Variants in PLEKHO1 observed in about 807,000 individuals in gnomAD.
PLEKHO1 encodes the protein pleckstrin homology domain containing O1, also known as pleckstrin homology domain-containing family O member 1.
Under a neutral mutation model 41.4 loss-of-function variants are expected in PLEKHO1, and 22 were observed. That is an observed-to-expected ratio of 0.53 (90% CI 0.38 to 0.76). PLEKHO1 has a LOEUF of 0.76. Ranked by LOEUF, PLEKHO1 falls within the 30% of genes least tolerant of loss-of-function variation. The pLI, the probability that PLEKHO1 is intolerant of heterozygous loss-of-function variation, is 0.00. For missense variants in PLEKHO1, 488 were observed against 518.3 expected (o/e 0.94, Z 0.57); for synonymous variants, 225 against 210.8 (o/e 1.07, Z -0.58).
chr1:150,151,929 C>T (rs74124331), intron 2 of PLEKHO1, among the ~76,000 whole-genome samples: 3,291 of 152,240 alleles, frequency 0.022, 97 homozygotes, highest in African/African-American at 0.074. Context: ...TTCCCTGCCT[C>T]TGTGACTGTC....
Position 150,158,834 on chromosome 1 carries a change from T to C in PLEKHO1, c.541T>C (p.Ser181Pro). Reference protein sequence around the residue: ...HLMAVASTSTSDGMLTLDLIQ... With the variant: ...HLMAVASTSTPDGMLTLDLIQ... ...TCCTCCACAGGCTTCCACCTCTACC[T>C]CGGATGGGATGCTGACCTTGGACTT... The change falls in exon 6 of 6, where the codon TCG (serine) becomes CCG (proline). Residue 181 changes from serine (S) to proline (P), a missense_variant. Ser to Pro is a moderately conservative substitution (Grantham distance 74). Coordinates refer to ENST00000369124, the MANE Select transcript of PLEKHO1 (RefSeq NM_016274.6). 6.2e-7 allele frequency: 1 copy of C among 1,605,568 alleles called. No individual in the cohort carries two copies. The highest frequency in any genetic ancestry group is 1.3e-5 in the African/African-American group (1 of 74,770).
intron 2 of PLEKHO1, chr1:150,152,705 A>AAAAC (rs1659999756): frequency 1.3e-5 from 2 of 149,734 alleles, no homozygotes; most frequent in South Asian, 2.1e-4. Flanking sequence ...AAAAAAAAAA[A>AAAAC]AAAAAAACAA....
At position 150,158,761 on chromosome 1, in the gene PLEKHO1, C is replaced by T. The variant is rs1309026166; in HGVS notation, c.526-58C>T. 8 of 1,202,554 alleles carry T rather than the reference C, an allele frequency of 6.7e-6. No individual in the cohort carries two copies. In the East Asian group the frequency reaches 1.4e-4, roughly 21 times the overall value. 74.5% of individuals were successfully genotyped at this position (1,202,554 alleles called of 1,614,324 possible). ...CCACAGCTTGCATCTTTTAGGCAGT[C>T]ATTCCGAAAATCCCTCCTGATGACA... On this transcript the variant is annotated intron_variant, in intron 5 of 5. Coordinates refer to ENST00000369124, the MANE Select transcript of PLEKHO1 (RefSeq NM_016274.6).
Position 150,158,801 on chromosome 1 carries a change from TC to T in PLEKHO1, c.526-12del. The T allele has an allele frequency of 7.7e-6, 12 of 1,553,174 alleles. No individual in the cohort carries two copies. The highest frequency in any genetic ancestry group is 3.6e-5 in the Admixed American group (2 of 55,858). ...TCCTGATGACAGGTTCCCCACTCAT[TC>T]CCCCCTTCCTCCACAGGCTTCCACC... On this transcript the variant is annotated splice_polypyrimidine_tract_variant and intron_variant, in intron 5 of 5. Coordinates refer to ENST00000369124, the MANE Select transcript of PLEKHO1 (RefSeq NM_016274.6).
rs1660160365 is a variant in PLEKHO1 at position 150,156,191 on chromosome 1, A to G, written c.303A>G (p.Lys101=). The change falls in exon 3 of 6, where the codon AAA becomes AAG. Residue 101 remains lysine, a synonymous_variant. Transcript: ENST00000369124. ...NHSKFTLAHS[K]QPGNTAPNLI... Reference sequence around the variant, plus strand: ...GCAAGTTTACTCTTGCCCACTCCAAACAGCCCGGTAACACGGTATGTTTCT... The same window carrying G: ...GCAAGTTTACTCTTGCCCACTCCAAGCAGCCCGGTAACACGGTATGTTTCT... The G allele has an allele frequency of 6.2e-7, 1 of 1,613,534 alleles. No homozygotes were observed. The highest frequency in any genetic ancestry group is 1.3e-5 in the African/African-American group (1 of 74,880).
chr1:150,159,568 T>G lies in PLEKHO1; in HGVS notation c.*45T>G. The G allele has an allele frequency of 7.9e-7, 1 of 1,272,784 alleles. No homozygotes were observed. Among genetic ancestry groups the G allele is most frequent in the Non-Finnish European group, 1.1e-6 (1 of 919,384 alleles). 78.8% of individuals were successfully genotyped at this position (1,272,784 alleles called of 1,614,324 possible). A position where few individuals can be genotyped will look rare whatever the true frequency, so the allele number is the denominator to read the frequency against. On this transcript the variant is annotated 3_prime_UTR_variant, in exon 6 of 6. Transcript: ENST00000369124. Reference sequence around the variant, plus strand: ...ACTTGTCGGGTTGGACAGACTCTTATCTCCGTGTTGCTGGATAAAGCTTTT... The same window carrying G: ...ACTTGTCGGGTTGGACAGACTCTTAGCTCCGTGTTGCTGGATAAAGCTTTT...
At chr1:150,150,644 G>A (rs1486523603) in intron 1 of PLEKHO1, 23 of 429,676 alleles carry the variant, frequency 5.4e-5, no homozygotes, top group South Asian at 3.1e-4. Flanking sequence ...GCAGGGCCTG[G>A]AGGGAACCTG....
At chr1:150,152,447 G>A (rs587619168) in intron 2 of PLEKHO1, among the ~76,000 whole-genome samples, 26 of 152,150 alleles carry the variant, frequency 1.7e-4, no homozygotes, top group African/African-American at 5.8e-4. Context: ...GACTACAGGT[G>A]GGTGCCACCA....
chr1:150,159,602 C>T lies in PLEKHO1; in HGVS notation c.*79C>T. On this transcript the variant is annotated 3_prime_UTR_variant, in exon 6 of 6. Coordinates refer to ENST00000369124, the MANE Select transcript of PLEKHO1 (RefSeq NM_016274.6). ...TGCTGGATAAAGCTTTTTTATTTACCTCAATCAAAAAAAGAAAACAAAAAT... is the reference window on the plus strand; with the variant it reads ...TGCTGGATAAAGCTTTTTTATTTACTTCAATCAAAAAAAGAAAACAAAAAT... 3.1e-6 allele frequency: 3 copies of T among 973,220 alleles called. No homozygotes were observed. The highest frequency in any genetic ancestry group is 4.5e-6 in the Non-Finnish European group (3 of 667,570). 60.3% of individuals were successfully genotyped at this position (973,220 alleles called of 1,614,324 possible). A position where few individuals can be genotyped will look rare whatever the true frequency, so the allele number is the denominator to read the frequency against.
At chr1:150,152,516 G>A (rs1457570894) in intron 2 of PLEKHO1, among the ~76,000 whole-genome samples, 1 of 151,796 alleles carries the variant, frequency 6.6e-6, no homozygotes. Context: ...TGACCAGGCT[G>A]CTCTCAAAAC....
At position 150,155,065 on chromosome 1, in the gene PLEKHO1, G is replaced by A. The variant is rs587698925; in HGVS notation, c.178-1001G>A. 9 of 152,352 alleles carry A rather than the reference G, an allele frequency of 5.9e-5. No homozygotes were observed. In the East Asian group the frequency reaches 1.7e-3, roughly 29 times the overall value. The allele number at this position is 152,352 out of a possible 1,614,324, so 9.4% of individuals were successfully genotyped here. A position where few individuals can be genotyped will look rare whatever the true frequency, so the allele number is the denominator to read the frequency against. ...GCAGTGCTCAGAAAAGGCTAGTTGG[G>A]GTTGGAGAATGTCACTAGGAATGCG... is the stretch of plus-strand genomic sequence containing the variant. On this transcript the variant is annotated intron_variant, in intron 2 of 5. Transcript: ENST00000369124.
intron 3 of PLEKHO1, 144 bp downstream of exon 3, chr1:150,156,350 C>A: frequency 1.4e-6 from 1 of 693,138 alleles, no homozygotes; most frequent in Non-Finnish European, 2.4e-6. Flanking sequence ...ATCATTTCAC[C>A]TGAGAATATT....
In PLEKHO1 at chr1:150,157,483, T is replaced by C. The variant is rs1553820695; in HGVS notation, c.522T>C (p.Ala174=). The C allele has an allele frequency of 6.2e-7, 1 of 1,606,702 alleles. No homozygotes were observed. The highest frequency in any genetic ancestry group is 1.1e-5 in the South Asian group (1 of 90,904). The change falls in exon 5 of 6, where the codon GCT becomes GCC. Residue 174 remains alanine (A), a synonymous_variant. Transcript: ENST00000369124. The stretch of plus-strand genomic sequence containing the variant: ...CCCCAACAAGGGGACACCTAATGGC[T>C]GTGGTATGTAAGACTGTAATAAACA... ...RRPPTRGHLM[A]VASTSTSDGM... is the part of the protein sequence containing the mutation.
chr1:150,153,779 A>G (rs1660055209), intron 2 of PLEKHO1: 1 of 152,214 alleles, frequency 6.6e-6, no homozygotes. Flanking sequence ...GGTGGAGGAA[A>G]TTGGATTCGG....
intron 4 of PLEKHO1, 25 bp downstream of exon 4, chr1:150,157,040 G>C: frequency 6.9e-7 from 1 of 1,444,368 alleles, no homozygotes; most frequent in Non-Finnish European, 9.8e-7. Flanking sequence ...TGTGGGGAGA[G>C]GGAGGAACGC....
In PLEKHO1 at chr1:150,157,346, C is replaced by T. The variant is rs375420074; in HGVS notation, c.424-39C>T. The T allele has an allele frequency of 1.2e-5, 18 of 1,454,804 alleles. No individual in the cohort carries two copies. In the East Asian group the frequency reaches 1.4e-4, roughly 11 times the overall value. The allele number at this position is 1,454,804 out of a possible 1,614,324, so 90.1% of individuals were successfully genotyped here. Reference sequence around the variant, plus strand: ...GGGATGCTGGGTTGGGACAGCGAGTCGCTGAAGAGCACTCATGATTCACAG... The same window carrying T: ...GGGATGCTGGGTTGGGACAGCGAGTTGCTGAAGAGCACTCATGATTCACAG... On this transcript the variant is annotated intron_variant, in intron 4 of 5. Transcript: ENST00000369124.
intron 1 of PLEKHO1, 173 bp from the exon 2 acceptor site, chr1:150,150,739 T>C: frequency 3.5e-6 from 2 of 572,520 alleles, no homozygotes; most frequent in Non-Finnish European, 6.2e-6. Flanking sequence ...GCGGGGGGAG[T>C]TCCTCGGAGT....
intron 2 of PLEKHO1, among the ~76,000 whole-genome samples, chr1:150,153,265 G>C (rs1449280044): frequency 2.0e-5 from 3 of 152,154 alleles, no homozygotes; most frequent in African/African-American, 7.2e-5. Context: ...GTAGCTCACT[G>C]CTGCCTTGAC....
rs782715540 is a variant in PLEKHO1 at position 150,159,338 on chromosome 1, G to C, written c.1045G>C (p.Glu349Gln). Residue 349 changes from glutamate to glutamine, a missense_variant, in exon 6 of 6, where the codon GAG (glutamate) becomes CAG (glutamine). Physicochemically the swap from Glu to Gln is conservative, Grantham distance 29. Coordinates refer to ENST00000369124, the MANE Select transcript of PLEKHO1 (RefSeq NM_016274.6). ...TCGGTCTCCGCCGGATTCTGAGTCA[G>C]AGCAGCTGCTGCTGGAGACGGAACG... ...PPRSPPDSESEQLLLETERLL... is the reference protein window; with the variant it reads ...PPRSPPDSESQQLLLETERLL... The C allele has an allele frequency of 6.2e-7, 1 of 1,614,222 alleles. No individual in the cohort carries two copies. Among genetic ancestry groups the C allele is most frequent in the South Asian group, 1.1e-5 (1 of 91,082 alleles).
Sources: gnomAD v4.1 joint callset for allele counts (sites outside exome capture counted in the v4.1 genomes callset) on GRCh38, gnomAD v4.1.1 for gene constraint, MANE v1.5 for transcripts, NCBI Gene and HGNC (gene_info 2026-07-23, HGNC 2026-07-21) for gene names.